Variants in EXOC4 observed in about 807,000 individuals in gnomAD.
EXOC4 encodes the protein exocyst complex component 4.
Under a neutral mutation model 107.2 loss-of-function variants are expected in EXOC4, and 71 were observed. The observed-to-expected ratio is 0.66, with a 90% CI of 0.55 to 0.81. EXOC4 has a LOEUF of 0.81. Among genes scored for constraint, EXOC4 ranks in the 30% least tolerant of loss-of-function variants. The pLI, the probability that EXOC4 is intolerant of heterozygous loss-of-function variation, is 0.00. For synonymous variants in EXOC4, 456 were observed against 441.2 expected, an observed-to-expected ratio of 1.03 and a Z score of -0.42; for missense variants, 1,108 against 1,189.6, an observed-to-expected ratio of 0.93 and a Z score of 1.01.
At chr7:133,634,223 G>C (rs1467835222) in intron 10 of EXOC4, among the ~76,000 whole-genome samples, 1 of 152,044 alleles carries the variant, frequency 6.6e-6, no homozygotes, top group East Asian at 1.9e-4. Context: ...TCCATCACTA[G>C]GAAATCTCAC....
At chr7:133,754,365 C>T (rs1057353795) in intron 10 of EXOC4, among the ~76,000 whole-genome samples, 1 of 152,126 alleles carries the variant, frequency 6.6e-6, no homozygotes, top group Non-Finnish European at 1.5e-5. Flanking sequence ...AGAAGGAATA[C>T]GCTTGTTAGT....
At chr7:133,952,279 A>C (rs773733144) in intron 14 of EXOC4, among the ~76,000 whole-genome samples, 4 of 152,246 alleles carry the variant, frequency 2.6e-5, no homozygotes, top group Non-Finnish European at 4.4e-5. Flanking sequence ...ACCTTTTAAC[A>C]TCAAGGGAAT....
At chr7:133,281,683 A>T (rs1466973115) in intron 2 of EXOC4, among the ~76,000 whole-genome samples, 1 of 151,442 alleles carries the variant, frequency 6.6e-6, no homozygotes, top group Non-Finnish European at 1.5e-5. Flanking sequence ...CCTTGATCCA[A>T]ATTCAGTACT....
chr7:133,472,631 C>T lies in EXOC4; in HGVS notation c.1183-2697C>T, dbSNP rs537698675. Among the ~76,000 whole-genome samples, 24 of 152,142 alleles carry T rather than the reference C, an allele frequency of 1.6e-4. 1 individual carries two copies. In the South Asian group the frequency reaches 4.4e-3, roughly 28 times the overall value. Reference sequence around the variant, plus strand: ...CAGGAGAGAAATGAGGAATAAATCACATTGTGATAAAGGGAACAGTAGATG... The same window carrying T: ...CAGGAGAGAAATGAGGAATAAATCATATTGTGATAAAGGGAACAGTAGATG... On this transcript the variant is annotated intron_variant, in intron 7 of 17. Transcript: ENST00000253861.
intron 10 of EXOC4, among the ~76,000 whole-genome samples, chr7:133,741,857 C>T (rs1795571475): frequency 6.6e-6 from 1 of 152,050 alleles, no homozygotes; most frequent in South Asian, 2.1e-4. Context: ...CAGTACCTTC[C>T]AGTGATTTGT....
intron 5 of EXOC4, among the ~76,000 whole-genome samples, chr7:133,332,763 TG>T (rs1795423751): frequency 6.6e-6 from 1 of 152,220 alleles, no homozygotes; most frequent in Non-Finnish European, 1.5e-5. Flanking sequence ...TTTGCATAGC[TG>T]GGAACCTATC....
At chr7:133,270,640 A>C (rs371117457) in intron 1 of EXOC4, among the ~76,000 whole-genome samples, 1 of 152,176 alleles carries the variant, frequency 6.6e-6, no homozygotes, top group African/African-American at 2.4e-5. Context: ...GGCTGATTTT[A>C]TTTTATTTTA....
intron 10 of EXOC4, among the ~76,000 whole-genome samples, chr7:133,676,959 G>GTGTGTGTGTGTGTGTGTGTGTGTA (rs1554382531): frequency 1.5e-4 from 21 of 138,764 alleles, no homozygotes; most frequent in Non-Finnish European, 3.0e-4. Flanking sequence ...GTGTGTGTAT[G>GTGTGTGTGTGTGTGTGTGTGTGTA]TGTGTGTGTG....
intron 11 of EXOC4, among the ~76,000 whole-genome samples, chr7:133,855,042 T>TATATCTAAATATATCTAA (rs1798319891): frequency 2.6e-5 from 2 of 75,680 alleles, no homozygotes; most frequent in East Asian, 3.6e-4. Flanking sequence ...TCTAAATATA[T>TATATCTAAATATATCTAA]ATATATCTAA....
chr7:134,034,227 GAGGTTGAAA>G (rs1467301775), intron 17 of EXOC4, among the ~76,000 whole-genome samples: 1 of 152,136 alleles, frequency 6.6e-6, no homozygotes, highest in Non-Finnish European at 1.5e-5. Flanking sequence ...GTATGATGGA[GAGGTTGAAA>G]AAGAACCTAA....
Position 134,065,487 on chromosome 7 carries a change from G to A in EXOC4, c.*959G>A, listed in dbSNP as rs1796160671. 2 of 152,304 alleles carry A rather than the reference G, an allele frequency of 1.3e-5. No individual in the cohort carries two copies. Among genetic ancestry groups the A allele is most frequent in the Admixed American group, 6.5e-5 (1 of 15,282 alleles). 9.4% of individuals were successfully genotyped at this position (152,304 alleles called of 1,614,324 possible). A position where few individuals can be genotyped will look rare whatever the true frequency, so the allele number is the denominator to read the frequency against. On this transcript the variant is annotated 3_prime_UTR_variant, in exon 18 of 18. Coordinates refer to ENST00000253861, the MANE Select transcript of EXOC4 (RefSeq NM_021807.4). ...TCTGAATTGTTCCCTCCCCCGCAAT[G>A]TGGGCACTTACCATGTTCCTGGCAC...
intron 5 of EXOC4, among the ~76,000 whole-genome samples, chr7:133,325,974 A>G (rs1795229972): frequency 6.6e-6 from 1 of 152,044 alleles, no homozygotes; most frequent in South Asian, 2.1e-4. Flanking sequence ...ATCTTCATTC[A>G]CTGATACCTC....
At chr7:133,995,586 G>A (rs548773127) in intron 14 of EXOC4, among the ~76,000 whole-genome samples, 1 of 152,212 alleles carries the variant, frequency 6.6e-6, no homozygotes, top group Non-Finnish European at 1.5e-5. Context: ...GCAATGTCAT[G>A]CATCTAGGCT....
At chr7:133,859,982 A>G (rs889545226) in intron 11 of EXOC4, among the ~76,000 whole-genome samples, 1 of 152,290 alleles carries the variant, frequency 6.6e-6, no homozygotes, top group East Asian at 1.9e-4. Flanking sequence ...GAAAACTCCA[A>G]CCCGTAGAAC....
At chr7:134,036,217 A>T (rs1306241439) in intron 17 of EXOC4, among the ~76,000 whole-genome samples, 1 of 152,208 alleles carries the variant, frequency 6.6e-6, no homozygotes, top group Non-Finnish European at 1.5e-5. Flanking sequence ...GTGACTTTCT[A>T]GTTTCCTTGA....
chr7:133,492,587 T>C (rs1013660590), intron 9 of EXOC4, among the ~76,000 whole-genome samples: 1 of 152,182 alleles, frequency 6.6e-6, no homozygotes, highest in Non-Finnish European at 1.5e-5. Flanking sequence ...TTCAGAGTAA[T>C]GGAGTTACGG....
At chr7:134,076,019 C>G in the EXOC4 span, among the ~76,000 whole-genome samples, 1 of 152,180 alleles carries the variant, frequency 6.6e-6, no homozygotes, top group Non-Finnish European at 1.5e-5. Context: ...CCTCCCTATC[C>G]TGACTGATAC....
chr7:133,912,441 A>C (rs1799716317), intron 12 of EXOC4, among the ~76,000 whole-genome samples: 1 of 152,152 alleles, frequency 6.6e-6, no homozygotes, highest in Non-Finnish European at 1.5e-5. Context: ...TCATTACCTG[A>C]TTTGTATTGA....
chr7:134,078,494 G>A, the EXOC4 span, among the ~76,000 whole-genome samples: 1 of 151,934 alleles, frequency 6.6e-6, no homozygotes, highest in Non-Finnish European at 1.5e-5. Flanking sequence ...TTCTATTTCA[G>A]TACCATTTAT....
Sources: allele counts gnomAD v4.1 joint callset (sites outside exome capture counted in the v4.1 genomes callset), GRCh38; gene constraint gnomAD v4.1.1; transcripts MANE v1.5; gene names NCBI Gene and HGNC (gene_info 2026-07-23, HGNC 2026-07-21).